Variants in NEMP2 observed in about 807,000 individuals in gnomAD.
NEMP2 encodes the protein nuclear envelope integral membrane protein 2.
In NEMP2, 53 loss-of-function variants were observed where a neutral mutation model predicts 54.2. The observed-to-expected ratio is 0.98, with a 90% confidence interval of 0.78 to 1.23. NEMP2 has a LOEUF of 1.23. NEMP2 is among the 50% of genes most tolerant of loss of function. NEMP2 has a pLI of 0.00. For synonymous variants in NEMP2, 197 were observed against 190.3 expected, an observed-to-expected ratio of 1.04 and a Z score of -0.29; for missense variants, 455 against 511.3, an observed-to-expected ratio of 0.89 and a Z score of 1.06.
At chr2:190,620,693 C>A in the NEMP2 span, among the ~76,000 whole-genome samples, 1 of 152,118 alleles carries the variant, frequency 6.6e-6, no homozygotes, top group African/African-American at 2.4e-5. The surrounding 1 kb of genome is among the most constrained non-coding windows in gnomAD (Gnocchi z 4.9). Flanking sequence ...GATGATTTTC[C>A]TTGTCCAGAA....
the NEMP2 span, among the ~76,000 whole-genome samples, chr2:190,472,000 C>A: frequency 3.3e-5 from 5 of 152,180 alleles, no homozygotes; most frequent in Admixed American, 1.3e-4. The surrounding 1 kb of genome is among the most constrained non-coding windows in gnomAD (Gnocchi z 4.7). Flanking sequence ...GGACCTCCAG[C>A]AAACTCCAAC....
the NEMP2 span, chr2:190,437,165 T>C: frequency 6.2e-7 from 1 of 1,614,256 alleles, no homozygotes; most frequent in Non-Finnish European, 8.5e-7. This position sits in a 1 kb window ranked among gnomAD's most constrained non-coding sequence, Gnocchi z 5.9. Flanking sequence ...GGCGTTCTCA[T>C]GACCATGGCC....
the NEMP2 span, among the ~76,000 whole-genome samples, chr2:190,439,144 G>C: frequency 2.0e-5 from 3 of 151,866 alleles, no homozygotes; most frequent in Admixed American, 6.6e-5. This position sits in a 1 kb window ranked among gnomAD's most constrained non-coding sequence, Gnocchi z 5.8. Flanking sequence ...TGACCGAGAT[G>C]AATCAGATGC....
At chr2:190,560,818 C>T in the NEMP2 span, among the ~76,000 whole-genome samples, 1 of 152,172 alleles carries the variant, frequency 6.6e-6, no homozygotes, top group Admixed American at 6.5e-5. This position sits in a 1 kb window ranked among gnomAD's most constrained non-coding sequence, Gnocchi z 5.4. Context: ...ATCCTGTAAA[C>T]TGTAAGCTTT....
chr2:190,590,236 C>A, the NEMP2 span, among the ~76,000 whole-genome samples: 1 of 152,230 alleles, frequency 6.6e-6, no homozygotes, highest in Non-Finnish European at 1.5e-5. This position sits in a 1 kb window ranked among gnomAD's most constrained non-coding sequence, Gnocchi z 5.1. Context: ...TCACGACAGT[C>A]CATGGGACCT....
chr2:190,436,711 C>T, the NEMP2 span: 1 of 1,614,206 alleles, frequency 6.2e-7, no homozygotes, highest in East Asian at 2.2e-5. This position sits in a 1 kb window ranked among gnomAD's most constrained non-coding sequence, Gnocchi z 5.3. Context: ...CACTCTGCAG[C>T]CCCAGACAGG....
the NEMP2 span, among the ~76,000 whole-genome samples, chr2:190,457,310 T>C: frequency 6.6e-6 from 1 of 152,206 alleles, no homozygotes; most frequent in African/African-American, 2.4e-5. This position sits in a 1 kb window ranked among gnomAD's most constrained non-coding sequence, Gnocchi z 5.1. Flanking sequence ...CTGGATGCTA[T>C]GGCTCCTTTC....
chr2:190,598,073 T>A, the NEMP2 span, among the ~76,000 whole-genome samples: 1 of 152,264 alleles, frequency 6.6e-6, no homozygotes, highest in South Asian at 2.1e-4. Flanking sequence ...TTGTAGGATG[T>A]TCAGCAGCAT....
At chr2:190,560,522 T>C in the NEMP2 span, among the ~76,000 whole-genome samples, 2 of 152,358 alleles carry the variant, frequency 1.3e-5, no homozygotes, top group Admixed American at 6.5e-5. This position sits in a 1 kb window ranked among gnomAD's most constrained non-coding sequence, Gnocchi z 5.4. Flanking sequence ...AAAGAAAATA[T>C]GACATTTGTC....
chr2:190,616,521 A>G, the NEMP2 span, among the ~76,000 whole-genome samples: 1 of 152,200 alleles, frequency 6.6e-6, no homozygotes, highest in African/African-American at 2.4e-5. This position sits in a 1 kb window ranked among gnomAD's most constrained non-coding sequence, Gnocchi z 5.1. Flanking sequence ...AGAACAGTAA[A>G]CTCTGACATA....
chr2:190,480,678 A>C, the NEMP2 span, among the ~76,000 whole-genome samples: 36 of 152,342 alleles, frequency 2.4e-4, no homozygotes, highest in Admixed American at 6.5e-4. Flanking sequence ...TCTGGGTTTG[A>C]ATTCTAACTC....
At chr2:190,644,514 CA>C in the NEMP2 span, among the ~76,000 whole-genome samples, 12 of 152,040 alleles carry the variant, frequency 7.9e-5, no homozygotes, top group African/African-American at 2.9e-4. This position sits in a 1 kb window ranked among gnomAD's most constrained non-coding sequence, Gnocchi z 4.4. Context: ...TTCAGAAGCA[CA>C]AAAAAAATTA....
Position 190,530,307 on chromosome 2 carries a change from A to T in NEMP2, c.97+4252T>A, listed in dbSNP as rs1187172008. On this transcript the variant is annotated intron_variant, in intron 1 of 8. Coordinates refer to ENST00000409150, the MANE Select transcript of NEMP2 (RefSeq NM_001142645.2). This position sits in a 1 kb window ranked among gnomAD's most constrained non-coding sequence, Gnocchi z 4.6. Reference sequence around the variant, plus strand: ...AGCTGATGTGGAATTTACACAATCCATGAGATTCCACAAAGTGTCAGTGCT... The same window carrying T: ...AGCTGATGTGGAATTTACACAATCCTTGAGATTCCACAAAGTGTCAGTGCT... Among the ~76,000 whole-genome samples, 1 of 152,142 alleles carries T rather than the reference A, an allele frequency of 6.6e-6. No individual in the cohort carries two copies. The highest frequency in any genetic ancestry group is 2.4e-5 in the African/African-American group (1 of 41,442).
At chr2:190,595,878 A>G in the NEMP2 span, among the ~76,000 whole-genome samples, 3 of 152,232 alleles carry the variant, frequency 2.0e-5, no homozygotes. The surrounding 1 kb of genome is among the most constrained non-coding windows in gnomAD (Gnocchi z 4.0). Flanking sequence ...ATATCATTTG[A>G]ACCAGCAATC....
rs1437975847 is a variant in NEMP2 at position 190,521,178 on chromosome 2, A to T, written c.214-1995T>A. ...ATTCTTCCACCCTCTGCAACAAAGG[A>T]TTTCACAACTTCTTCCTCAATACTC... On this transcript the variant is annotated intron_variant, in intron 2 of 8. Transcript: ENST00000409150. This position sits in a 1 kb window ranked among gnomAD's most constrained non-coding sequence, Gnocchi z 6.2. Among the ~76,000 whole-genome samples, 1 of 152,144 alleles carries T rather than the reference A, an allele frequency of 6.6e-6. No individual in the cohort carries two copies. Among genetic ancestry groups the T allele is most frequent in the Non-Finnish European group, 1.5e-5 (1 of 68,032 alleles).
chr2:190,534,743 G>A, upstream of NEMP2: 1 of 1,000,088 alleles, frequency 1.0e-6, no homozygotes, highest in East Asian at 3.3e-5. Context: ...CTCAGAGAAG[G>A]CGGAGGGGGC....
chr2:190,471,742 G>A, the NEMP2 span, among the ~76,000 whole-genome samples: 1 of 152,194 alleles, frequency 6.6e-6, no homozygotes, highest in Non-Finnish European at 1.5e-5. The surrounding 1 kb of genome is among the most constrained non-coding windows in gnomAD (Gnocchi z 4.7). Context: ...TTTGAAGACA[G>A]TAGTTCTCCC....
upstream of NEMP2, among the ~76,000 whole-genome samples, chr2:190,537,243 CTG>C (rs1320598244): frequency 1.3e-5 from 2 of 152,166 alleles, no homozygotes; most frequent in African/African-American, 4.8e-5. Context: ...TATCAGCAGA[CTG>C]GACATAGCTG....
chr2:190,586,954 T>C, the NEMP2 span, among the ~76,000 whole-genome samples: 1 of 152,182 alleles, frequency 6.6e-6, no homozygotes, highest in Non-Finnish European at 1.5e-5. This position sits in a 1 kb window ranked among gnomAD's most constrained non-coding sequence, Gnocchi z 4.5. Flanking sequence ...AGAATTTTCA[T>C]TTTCATCTCT....
Sources: gnomAD v4.1 joint callset for allele counts (sites outside exome capture counted in the v4.1 genomes callset) on GRCh38, gnomAD v4.1.1 for gene constraint, Gnocchi (gnomAD v3.1) non-coding constraint, MANE v1.5 for transcripts, NCBI Gene and HGNC (gene_info 2026-07-23, HGNC 2026-07-21) for gene names.